The following WWP1 variants were observed in gnomAD, a reference collection of about 807,000 sequenced individuals.
WWP1 encodes NEDD4-like E3 ubiquitin-protein ligase WWP1.
Under a neutral mutation model 130.6 loss-of-function variants are expected in WWP1, and 49 were observed. The ratio of observed to expected loss-of-function variants is 0.38; its 90% CI spans 0.30 to 0.48. The LOEUF (loss-of-function observed/expected upper bound fraction) is 0.48, where lower values mean the gene tolerates loss of function less well. WWP1 is among the 20% of genes least tolerant of loss of function. The probability of loss-of-function intolerance (pLI) is 0.99; values close to 1 mark genes in which losing one functional copy is unlikely to be tolerated. For missense variants in WWP1, 809 were observed against 1,100.6 expected, an observed-to-expected ratio of 0.74 and a Z score of 3.75; for synonymous variants, 332 against 367.8, an observed-to-expected ratio of 0.90 and a Z score of 1.11.
chr8:86,447,412 G>A (rs549946615), intron 18 of WWP1, among the ~76,000 whole-genome samples: 13 of 152,152 alleles, frequency 8.5e-5, no homozygotes, highest in African/African-American at 1.2e-4. Flanking sequence ...GACTACAGGC[G>A]CGTGCCACCA....
intron 22 of WWP1, among the ~76,000 whole-genome samples, chr8:86,459,016 CTTTTTTCTTTTTTTTTTTTT>C (rs1811610604): frequency 7.9e-6 from 1 of 125,832 alleles, no homozygotes; most frequent in Non-Finnish European, 1.6e-5. Context: ...TTTTCTTTTT[CTTTTTTCTTTTTTTTTTTTT>C]TTTTTTTTTT....
intron 9 of WWP1, among the ~76,000 whole-genome samples, chr8:86,424,687 C>T (rs938783070): frequency 2.0e-5 from 3 of 151,760 alleles, no homozygotes; most frequent in East Asian, 1.9e-4. Context: ...CGACTGCAAT[C>T]GCAGGCACTC....
intron 23 of WWP1, 181 bp downstream of exon 23, chr8:86,461,501 G>A (rs1019449151): frequency 1.6e-6 from 1 of 640,126 alleles, no homozygotes; most frequent in African/African-American, 1.8e-5. Flanking sequence ...AAATGAATGT[G>A]TCCTCATATA....
intron 22 of WWP1, among the ~76,000 whole-genome samples, chr8:86,459,578 A>C (rs1283001843): frequency 1.3e-5 from 2 of 152,182 alleles, no homozygotes; most frequent in African/African-American, 4.8e-5. Flanking sequence ...AGGAAAGCTG[A>C]TTTTCATTAA....
Position 86,397,643 on chromosome 8 carries a change from A to C in WWP1, c.335-699A>C, listed in dbSNP as rs547401036. 7.2e-5 allele frequency among the ~76,000 whole-genome samples: 11 copies of C among 152,314 alleles called. No homozygotes were observed. The South Asian group carries it at 2.3e-3, about 32-fold the overall frequency. On this transcript the variant is annotated intron_variant, in intron 5 of 24. Transcript: ENST00000517970. ...ATTAATATATAGTCTAATATATAGA[A>C]GTCTAATATATCGTTTAATGCATAG...
chr8:86,461,486 G>T, intron 23 of WWP1, 166 bp downstream of exon 23: 1 of 661,492 alleles, frequency 1.5e-6, no homozygotes, highest in South Asian at 1.9e-5. Context: ...GCACTTGTAA[G>T]ACAAAAATGA....
chr8:86,344,807 A>C (rs1397675199), intron 1 of WWP1, among the ~76,000 whole-genome samples: 1 of 152,200 alleles, frequency 6.6e-6, no homozygotes, highest in African/African-American at 2.4e-5. Context: ...GCAGGTAATT[A>C]TGTTTGGGTG....
chr8:86,458,445 A>C (rs1811574130), intron 22 of WWP1, among the ~76,000 whole-genome samples: 1 of 152,156 alleles, frequency 6.6e-6, no homozygotes, highest in South Asian at 2.1e-4. Context: ...AATGTCTAAG[A>C]ATGACTTTAT....
chr8:86,455,726 A>G (rs1811407624), intron 21 of WWP1, among the ~76,000 whole-genome samples: 1 of 152,014 alleles, frequency 6.6e-6, no homozygotes, highest in Non-Finnish European at 1.5e-5. Flanking sequence ...TGATGTAGAG[A>G]TTGAACATCT....
At chr8:86,343,312 CCTGA>C (rs1416184643) in intron 1 of WWP1, 6 of 152,662 alleles carry the variant, frequency 3.9e-5, no homozygotes, top group African/African-American at 1.4e-4. Context: ...TTGCCCGTTC[CCTGA>C]CTTTCACCCC....
intron 1 of WWP1, among the ~76,000 whole-genome samples, chr8:86,364,335 G>A (rs1451595774): frequency 6.6e-6 from 1 of 152,084 alleles, no homozygotes; most frequent in African/African-American, 2.4e-5. Flanking sequence ...GCTTAGAAAT[G>A]GTTAAAATTG....
At chr8:86,426,648 G>GA (rs1202324507) in intron 10 of WWP1, among the ~76,000 whole-genome samples, 2 of 152,166 alleles carry the variant, frequency 1.3e-5, no homozygotes, top group Non-Finnish European at 2.9e-5. Context: ...TGAAAATGTG[G>GA]ACAATTCATT....
At chr8:86,358,600 A>C (rs1160838759) in intron 1 of WWP1, among the ~76,000 whole-genome samples, 1 of 151,336 alleles carries the variant, frequency 6.6e-6, no homozygotes, top group African/African-American at 2.4e-5. Context: ...GTCCTACCTC[A>C]GCCTCTTGAC....
rs1311244129 is a variant in WWP1 at position 86,398,552 on chromosome 8, TTTTC to T, written c.473-13_473-10del. ...CAAGAAGTATATAAAAACCTAGTTT[TTTTC>T]TTTCTTGTTGTTCAGTAGAAATACA... On this transcript the variant is annotated splice_polypyrimidine_tract_variant and intron_variant, in intron 6 of 24. Transcript: ENST00000517970. 1 of 1,611,698 alleles carries T rather than the reference TTTTC, an allele frequency of 6.2e-7. No individual in the cohort carries two copies. Among genetic ancestry groups the T allele is most frequent in the Non-Finnish European group, 8.5e-7 (1 of 1,179,440 alleles).
intron 9 of WWP1, among the ~76,000 whole-genome samples, chr8:86,424,073 T>C (rs1165730895): frequency 1.4e-5 from 2 of 143,682 alleles, no homozygotes; most frequent in African/African-American, 5.3e-5. Flanking sequence ...GCGGAGGGGC[T>C]CCTCACTTCT....
At chr8:86,345,852 CTAA>C (rs1822548477) in intron 1 of WWP1, among the ~76,000 whole-genome samples, 1 of 152,164 alleles carries the variant, frequency 6.6e-6, no homozygotes, top group Non-Finnish European at 1.5e-5. Context: ...AGAATTTTGA[CTAA>C]TGTTATTTGC....
rs187221866 is a variant in WWP1, at chr8:86,426,217, A to G, written c.1157+899A>G. ...AACTATGACAAGATCATCAAGTTAT[A>G]GTCATTCATTTAGTCCATTCATTGA... On this transcript the variant is annotated intron_variant, in intron 10 of 24. Coordinates refer to ENST00000517970, the MANE Select transcript of WWP1 (RefSeq NM_007013.4). Among the ~76,000 whole-genome samples the G allele has an allele frequency of 1.1e-3, 163 of 152,354 alleles. 1 individual carries two copies. Among genetic ancestry groups the G allele is most frequent in the African/African-American group, 3.7e-3 (155 of 41,592 alleles).
At chr8:86,384,877 A>G (rs1825188782) in intron 5 of WWP1, among the ~76,000 whole-genome samples, 1 of 152,036 alleles carries the variant, frequency 6.6e-6, no homozygotes, top group African/African-American at 2.4e-5. Flanking sequence ...TCAAAGATAC[A>G]AAAAATTAGC....
intron 8 of WWP1, among the ~76,000 whole-genome samples, chr8:86,409,229 T>TC (rs1808448039): frequency 2.2e-5 from 3 of 135,026 alleles, no homozygotes; most frequent in African/African-American, 8.1e-5. Context: ...TTTCTTTCTT[T>TC]TTTTTTTTTT....
Sources: gnomAD v4.1 joint callset for allele counts (sites outside exome capture counted in the v4.1 genomes callset) on GRCh38, gnomAD v4.1.1 for gene constraint, MANE v1.5 for transcripts, NCBI Gene and HGNC (gene_info 2026-07-23, HGNC 2026-07-21) for gene names.